The following CSMD3 variants were observed in gnomAD, a reference collection of about 807,000 sequenced individuals.
The protein encoded by CSMD3 is CUB and Sushi multiple domains 3.
CSMD3 carries 177 observed loss-of-function variants against 435.2 expected under a neutral mutation model. The ratio of observed to expected loss-of-function variants is 0.41; its 90% CI spans 0.36 to 0.46. The LOEUF is 0.46. Among genes scored for constraint, CSMD3 ranks in the 20% least tolerant of loss-of-function variants. The probability of loss-of-function intolerance (pLI) is 0.34; values close to 1 mark genes in which losing one functional copy is unlikely to be tolerated. For synonymous variants in CSMD3, 1,656 were observed against 1,520.5 expected (o/e 1.09, Z -2.07); for missense variants, 4,265 against 4,504.6 (o/e 0.95, Z 1.52).
chr8:112,492,802 T>C lies in CSMD3; in HGVS notation c.5084-119A>G, dbSNP rs767398721. 528 of 838,804 alleles carry C rather than the reference T, an allele frequency of 6.3e-4. 4 individuals are homozygous for C. The highest frequency in any genetic ancestry group is 9.9e-4 in the Non-Finnish European group (489 of 495,160). The allele number at this position is 838,804 out of a possible 1,614,324, so 52.0% of individuals were successfully genotyped here. A position where few individuals can be genotyped will look rare whatever the true frequency, so the allele number is the denominator to read the frequency against. ...CAGATTGAAAATATTTGGAAAAAAC[T>C]GTATCTGTACTGAATATATACAGAC... On this transcript the variant is annotated intron_variant, in intron 30 of 70. Coordinates refer to ENST00000297405, the MANE Select transcript of CSMD3 (RefSeq NM_198123.2).
At chr8:113,153,984 T>C (rs2091884630) in intron 4 of CSMD3, among the ~76,000 whole-genome samples, 1 of 152,050 alleles carries the variant, frequency 6.6e-6, no homozygotes, top group African/African-American at 2.4e-5. Flanking sequence ...GAAATAGATA[T>C]CAATTTCAAA....
At chr8:112,506,481 C>A (rs77839166) in intron 29 of CSMD3, among the ~76,000 whole-genome samples, 6 of 151,878 alleles carry the variant, frequency 4.0e-5, no homozygotes, top group Non-Finnish European at 5.9e-5. Flanking sequence ...TAGCTTCATG[C>A]GGGAAAATGG....
At chr8:112,628,635 T>C (rs927020585) in intron 22 of CSMD3, among the ~76,000 whole-genome samples, 3 of 152,190 alleles carry the variant, frequency 2.0e-5, no homozygotes, top group Non-Finnish European at 4.4e-5. Context: ...GTTTTGTCGA[T>C]ATTATATATT....
chr8:113,343,026 AG>A (rs1381823869), intron 1 of CSMD3, among the ~76,000 whole-genome samples: 2 of 151,990 alleles, frequency 1.3e-5, no homozygotes, highest in Admixed American at 1.3e-4. Context: ...GAGGAAGAAG[AG>A]TCAAAATAGG....
chr8:112,619,438 C>T (rs1172992089), intron 22 of CSMD3, among the ~76,000 whole-genome samples: 1 of 151,962 alleles, frequency 6.6e-6, no homozygotes, highest in African/African-American at 2.4e-5. Context: ...CATTCACTCT[C>T]CTGCTTTTTA....
intron 13 of CSMD3, among the ~76,000 whole-genome samples, chr8:112,698,795 G>T (rs10098141): frequency 0.014 from 2,098 of 152,234 alleles, 48 homozygotes; most frequent in African/African-American, 0.048. Context: ...GAAAGGTGAA[G>T]CCGGCTGGGC....
chr8:112,598,532 T>C (rs1178040652), intron 22 of CSMD3, among the ~76,000 whole-genome samples: 1 of 149,710 alleles, frequency 6.7e-6, no homozygotes, highest in Non-Finnish European at 1.5e-5. Flanking sequence ...AAAGTTCATA[T>C]GGAACCAAAA....
chr8:113,258,674 A>G (rs953142001), intron 3 of CSMD3, among the ~76,000 whole-genome samples: 17 of 152,178 alleles, frequency 1.1e-4, no homozygotes, highest in Non-Finnish European at 2.2e-4. Context: ...TAAATATTTA[A>G]ATAAGCATAT....
intron 13 of CSMD3, among the ~76,000 whole-genome samples, chr8:112,794,381 C>G (rs2078772287): frequency 6.7e-6 from 1 of 149,830 alleles, no homozygotes; most frequent in Non-Finnish European, 1.5e-5. Context: ...GCATCCTCCA[C>G]CTTCCCAGGT....
At position 112,458,215 on chromosome 8, in the gene CSMD3, C is replaced by CACACACACACACA. The variant is rs1554579456; in HGVS notation, c.5395+14375_5395+14376insTGTGTGTGTGTGT. Among the ~76,000 whole-genome samples, 284 of 150,764 alleles carry CACACACACACACA rather than the reference C, an allele frequency of 1.9e-3. 2 individuals carry two copies. Among genetic ancestry groups the CACACACACACACA allele is most frequent in the Middle Eastern group, 6.8e-3 (2 of 294 alleles). On this transcript the variant is annotated intron_variant, in intron 32 of 70. Coordinates refer to ENST00000297405, the MANE Select transcript of CSMD3 (RefSeq NM_198123.2). ...TACGTACACACACACACACTCACACCCACACACACACAGAGAAACAGAGAT... is the reference window on the plus strand; with the variant it reads ...TACGTACACACACACACACTCACACCACACACACACACACACACACACACAGAGAAACAGAGAT...
intron 7 of CSMD3, among the ~76,000 whole-genome samples, chr8:112,963,353 G>A (rs1197004232): frequency 6.6e-6 from 1 of 151,782 alleles, no homozygotes; most frequent in Non-Finnish European, 1.5e-5. Context: ...CTCAAATTAG[G>A]CAACATTCTA....
At chr8:113,034,961 C>T (rs1323211422) in intron 5 of CSMD3, among the ~76,000 whole-genome samples, 1 of 151,952 alleles carries the variant, frequency 6.6e-6, no homozygotes, top group Non-Finnish European at 1.5e-5. Flanking sequence ...TCTACAACTA[C>T]AGTTAGAGAT....
intron 35 of CSMD3, among the ~76,000 whole-genome samples, chr8:112,397,040 G>T (rs563527965): frequency 6.6e-6 from 1 of 152,090 alleles, no homozygotes; most frequent in Admixed American, 6.6e-5. Context: ...TGATATTAAC[G>T]TAAGATAGCT....
Position 112,503,837 on chromosome 8 carries a change from C to T in CSMD3, c.5036G>A (p.Arg1679Gln), listed in dbSNP as rs756081100. 28 of 1,612,798 alleles carry T rather than the reference C, an allele frequency of 1.7e-5. No individual in the cohort carries two copies. The highest frequency in any genetic ancestry group is 6.7e-5 in the East Asian group (3 of 44,752). The change falls in exon 30 of 71, where the codon CGG becomes CAG. Residue 1679 changes from arginine (R) to glutamine (Q), a missense_variant. Transcript: ENST00000297405. ...SSSNTMHLAF[R>Q]SDGSVSYTGF... ...AGTGTAACTAACAGATCCATCACTC[C>T]GAAAAGCCAAATGCATTGTATTTGA...
chr8:113,067,315 T>C (rs550794451), intron 5 of CSMD3, among the ~76,000 whole-genome samples: 161 of 152,266 alleles, frequency 1.1e-3, no homozygotes, highest in Admixed American at 2.9e-3. Context: ...AAAAAATTAC[T>C]GATTCCATTA....
At chr8:113,316,497 C>G (rs1269343170) in intron 1 of CSMD3, among the ~76,000 whole-genome samples, 2 of 151,470 alleles carry the variant, frequency 1.3e-5, no homozygotes, top group Non-Finnish European at 2.9e-5. Context: ...ATTCTTTTCA[C>G]AATAGCACCT....
At chr8:112,998,896 T>C (rs1223436721) in intron 6 of CSMD3, among the ~76,000 whole-genome samples, 1 of 151,914 alleles carries the variant, frequency 6.6e-6, no homozygotes, top group Admixed American at 6.6e-5. Flanking sequence ...TGCTTCCCTT[T>C]CAATGACTGT....
intron 22 of CSMD3, among the ~76,000 whole-genome samples, chr8:112,606,686 G>A (rs932744561): frequency 2.6e-5 from 4 of 152,082 alleles, no homozygotes; most frequent in African/African-American, 4.8e-5. Flanking sequence ...GTTATACCAA[G>A]GACCTTTTTC....
chr8:113,390,690 C>A (rs182269182), intron 1 of CSMD3, among the ~76,000 whole-genome samples: 49 of 151,844 alleles, frequency 3.2e-4, no homozygotes, highest in African/African-American at 1.2e-3. Context: ...AGCCAAGGGT[C>A]TAACACTTAA....
Sources: allele counts gnomAD v4.1 joint callset (sites outside exome capture counted in the v4.1 genomes callset), GRCh38; gene constraint gnomAD v4.1.1; transcripts MANE v1.5; gene names NCBI Gene and HGNC (gene_info 2026-07-23, HGNC 2026-07-21).